TBC1D22A: variants seen among roughly 807,000 people sequenced by gnomAD.
TBC1D22A encodes TBC1 domain family member 22A, also known as putative GTPase activator.
TBC1D22A carries 38 observed loss-of-function variants against 60.2 expected under a neutral mutation model. The ratio of observed to expected loss-of-function variants is 0.63; its 90% CI spans 0.49 to 0.83. The LOEUF (loss-of-function observed/expected upper bound fraction) is 0.83. Among genes scored for constraint, TBC1D22A ranks in the 40% least tolerant of loss-of-function variants. The pLI, the probability that TBC1D22A is intolerant of heterozygous loss-of-function variation, is 0.00. For missense variants in TBC1D22A, 628 were observed against 701.0 expected (o/e 0.90, Z 1.18); for synonymous variants, 302 against 281.7 (o/e 1.07, Z -0.72).
intron 4 of TBC1D22A, among the ~76,000 whole-genome samples, chr22:46,845,385 A>C: frequency 6.6e-6 from 1 of 152,234 alleles, no homozygotes; most frequent in Middle Eastern, 3.2e-3. Context: ...GAAAATTTTT[A>C]ATGAAGCACC....
intron 11 of TBC1D22A, among the ~76,000 whole-genome samples, chr22:47,078,605 C>T (rs145212340): frequency 3.3e-5 from 5 of 152,346 alleles, no homozygotes; most frequent in African/African-American, 9.6e-5. Flanking sequence ...AGAGCTGTGG[C>T]GTGTAGTTGC....
chr22:47,115,591 G>T (rs902809550), intron 12 of TBC1D22A, among the ~76,000 whole-genome samples: 4 of 152,178 alleles, frequency 2.6e-5, no homozygotes, highest in African/African-American at 9.7e-5. Context: ...TGCCCTCTGT[G>T]GGTCATTTCA....
At chr22:47,076,341 G>GTATATATATATATGTGTGTGTGTATATA (rs2064211026) in intron 11 of TBC1D22A, among the ~76,000 whole-genome samples, 2 of 116,146 alleles carry the variant, frequency 1.7e-5, no homozygotes, top group Non-Finnish European at 3.6e-5. Context: ...GTGTGTGTGT[G>GTATATATATATATGTGTGTGTGTATATA]TATATATATA....
intron 8 of TBC1D22A, among the ~76,000 whole-genome samples, chr22:46,934,986 G>C (rs2071563247): frequency 6.6e-6 from 1 of 152,156 alleles, no homozygotes; most frequent in Admixed American, 6.5e-5. Context: ...ATGGTTAGAG[G>C]TTTGGTGGTT....
chr22:47,128,992 A>C (rs762500026), intron 12 of TBC1D22A, among the ~76,000 whole-genome samples: 1 of 152,178 alleles, frequency 6.6e-6, no homozygotes, highest in Admixed American at 6.5e-5. Flanking sequence ...AGCCGGGTGC[A>C]TGTCTACGAT....
intron 10 of TBC1D22A, among the ~76,000 whole-genome samples, chr22:47,014,800 T>TG (rs1217269618): frequency 2.8e-5 from 4 of 144,632 alleles, no homozygotes; most frequent in African/African-American, 1.0e-4. Context: ...GTGGGTGTGG[T>TG]GGGGGGGACT....
intron 4 of TBC1D22A, among the ~76,000 whole-genome samples, chr22:46,845,176 A>G (rs1041924053): frequency 1.3e-5 from 2 of 152,164 alleles, no homozygotes; most frequent in Non-Finnish European, 2.9e-5. Flanking sequence ...GGATATTGAG[A>G]TTGTTAATCA....
intron 1 of TBC1D22A, among the ~76,000 whole-genome samples, chr22:46,783,164 G>A (rs1280816857): frequency 2.0e-5 from 3 of 152,168 alleles, no homozygotes; most frequent in East Asian, 1.9e-4. Context: ...AGTGGTATCC[G>A]ATGGTGGTTT....
At chr22:46,776,126 G>T (rs974940331) in intron 1 of TBC1D22A, among the ~76,000 whole-genome samples, 3 of 152,248 alleles carry the variant, frequency 2.0e-5, no homozygotes, top group African/African-American at 7.2e-5. Flanking sequence ...CAAGGAAAGG[G>T]GAGTTTTCAC....
chr22:47,037,616 G>A (rs1278230360), intron 11 of TBC1D22A, among the ~76,000 whole-genome samples: 1 of 152,138 alleles, frequency 6.6e-6, no homozygotes, highest in East Asian at 1.9e-4. Flanking sequence ...GGGTGGCAGA[G>A]CGAGACTCCA....
Position 46,904,145 on chromosome 22 carries a change from A to ATCTATCTG in TBC1D22A, c.901-7929_901-7928insTCTATCTG, listed in dbSNP as rs1555937547. Among the ~76,000 whole-genome samples the ATCTATCTG allele has an allele frequency of 5.6e-4, 42 of 75,560 alleles. 1 individual carries two copies. Among genetic ancestry groups the ATCTATCTG allele is most frequent in the Middle Eastern group, 7.0e-3 (1 of 142 alleles). 49.6% of individuals were successfully genotyped at this position (75,560 alleles called of 152,430 possible). On this transcript the variant is annotated intron_variant, in intron 7 of 12. Coordinates refer to ENST00000337137, the MANE Select transcript of TBC1D22A (RefSeq NM_014346.5). Reference sequence around the variant, plus strand: ...TATCTATCTATCTATCTATCTATCTACCTACCTACCTACCTACCTACCTAC... The same window carrying ATCTATCTG: ...TATCTATCTATCTATCTATCTATCTATCTATCTGCCTACCTACCTACCTACCTACCTAC...
chr22:47,017,565 CTG>C lies in TBC1D22A; in HGVS notation c.1202-19501_1202-19500del, dbSNP rs758639995. ...CATGCGCTCTGCCCTCCCTCGGATC[CTG>C]TGTGCCATGGGAATGCCAGGTGGGG... is the stretch of plus-strand genomic sequence containing the variant. On this transcript the variant is annotated intron_variant, in intron 10 of 12. Coordinates refer to ENST00000337137, the MANE Select transcript of TBC1D22A (RefSeq NM_014346.5). Among the ~76,000 whole-genome samples, 4 of 152,272 alleles carry C rather than the reference CTG, an allele frequency of 2.6e-5. No individual in the cohort carries two copies. In the South Asian group the frequency reaches 8.3e-4, roughly 32 times the overall value.
chr22:47,003,103 A>C (rs1445896969), intron 10 of TBC1D22A, among the ~76,000 whole-genome samples: 3 of 152,178 alleles, frequency 2.0e-5, no homozygotes, highest in Admixed American at 6.5e-5. Context: ...CAAACTGAGC[A>C]AATAAAAATA....
At chr22:47,151,114 A>G (rs1230260709) in intron 12 of TBC1D22A, among the ~76,000 whole-genome samples, 1 of 152,110 alleles carries the variant, frequency 6.6e-6, no homozygotes, top group Non-Finnish European at 1.5e-5. Flanking sequence ...CGCTCCGCTT[A>G]AAGGAAAGGG....
At chr22:46,825,211 C>G (rs1001271680) in intron 4 of TBC1D22A, among the ~76,000 whole-genome samples, 3 of 152,186 alleles carry the variant, frequency 2.0e-5, no homozygotes, top group Admixed American at 2.0e-4. Context: ...TAAACATCCA[C>G]GTTCCCCCCA....
rs553926183 is a variant in TBC1D22A at position 46,917,490 on chromosome 22, A to G, written c.1015+5302A>G. 1.1e-4 allele frequency among the ~76,000 whole-genome samples: 17 copies of G among 151,850 alleles called. No homozygotes were observed. The South Asian group carries it at 3.1e-3, about 28-fold the overall frequency. ...GTGAACGAGAAGGAAAAATCCAGTC[A>G]CCTCCTAGATTCCTGGCCCTGTGAG... is the stretch of plus-strand genomic sequence containing the variant. On this transcript the variant is annotated intron_variant, in intron 8 of 12. Coordinates refer to ENST00000337137, the MANE Select transcript of TBC1D22A (RefSeq NM_014346.5).
chr22:46,807,932 A>T (rs1032431313), intron 4 of TBC1D22A, among the ~76,000 whole-genome samples: 2 of 152,158 alleles, frequency 1.3e-5, no homozygotes, highest in African/African-American at 4.8e-5. Context: ...ATGCCACTGC[A>T]CTCCGGCCTG....
chr22:46,835,673 A>C (rs761888846), intron 4 of TBC1D22A, among the ~76,000 whole-genome samples: 1 of 152,248 alleles, frequency 6.6e-6, no homozygotes, highest in Non-Finnish European at 1.5e-5. Flanking sequence ...AGCTTCTTTA[A>C]AGAAATAAGA....
intron 4 of TBC1D22A, among the ~76,000 whole-genome samples, chr22:46,827,426 T>G (rs1346133192): frequency 6.6e-6 from 1 of 152,228 alleles, no homozygotes; most frequent in Non-Finnish European, 1.5e-5. Context: ...CATGACTACC[T>G]CACCCACATT....
Sources: allele counts gnomAD v4.1 joint callset (sites outside exome capture counted in the v4.1 genomes callset), GRCh38; gene constraint gnomAD v4.1.1; transcripts MANE v1.5; gene names NCBI Gene and HGNC (gene_info 2026-07-23, HGNC 2026-07-21).